The following QARS1 variants were observed in gnomAD, a reference collection of about 807,000 sequenced individuals.
QARS1 encodes glutaminyl-tRNA synthetase 1.
QARS1 carries 79 observed loss-of-function variants against 106.9 expected under a neutral mutation model. The observed-to-expected ratio is 0.74, with a 90% CI of 0.62 to 0.89. The LOEUF is 0.89. Among genes scored for constraint, QARS1 ranks in the 40% least tolerant of loss-of-function variants. The pLI is 0.00. For missense variants in QARS1, 966 were observed against 997.2 expected, an observed-to-expected ratio of 0.97 and a Z score of 0.42; for synonymous variants, 395 against 367.7, an observed-to-expected ratio of 1.07 and a Z score of -0.85.
In QARS1 at chr3:49,099,438, A is replaced by T. The variant is rs2042436951; in HGVS notation, c.1527-7T>A. 3.1e-6 allele frequency: 5 copies of T among 1,614,182 alleles called. No homozygotes were observed. The highest frequency in any genetic ancestry group is 4.2e-6 in the Non-Finnish European group (5 of 1,180,036). On this transcript the variant is annotated splice_region_variant and splice_polypyrimidine_tract_variant and intron_variant, in intron 16 of 23. Transcript: ENST00000306125. ...CCGTGGGTCATCCCAGTCCCTGTGG[A>T]TAAGAAGGTGGTGAGAAGGCCTTTG... is the stretch of plus-strand genomic sequence containing the variant.
chr3:49,101,945 C>T (rs2042477495), intron 7 of QARS1, 46 bp from the exon 8 acceptor site: 2 of 1,562,658 alleles, frequency 1.3e-6, no homozygotes, highest in Non-Finnish European at 1.7e-6. Context: ...GATACATTTA[C>T]CATATCCTAC....
chr3:49,101,440 AC>A lies in QARS1; in HGVS notation c.790del (p.Val264TyrfsTer59). 1 of 1,611,676 alleles carries A rather than the reference AC, an allele frequency of 6.2e-7. No individual in the cohort carries two copies. The highest frequency in any genetic ancestry group is 8.5e-7 in the Non-Finnish European group (1 of 1,177,800). On this transcript the variant is annotated frameshift_variant and splice_region_variant, in exon 10 of 24. Coordinates refer to ENST00000306125, the MANE Select transcript of QARS1 (RefSeq NM_005051.3). LOFTEE classifies it high-confidence loss of function. Reference sequence around the variant, plus strand: ...GGGTTCTGGCGGGAACCGGGTACGTACCTAAAATAAGGGGGATGGGAAAAGA... The same window carrying A: ...GGGTTCTGGCGGGAACCGGGTACGTACTAAAATAAGGGGGATGGGAAAAGA... ...KQHLEITGGQ[V>X]RTRFPPEPNG... is the part of the protein sequence containing the mutation.
intron 4 of QARS1, 67 bp from the exon 5 acceptor site, chr3:49,103,476 G>A: frequency 6.2e-7 from 1 of 1,601,794 alleles, no homozygotes; most frequent in Non-Finnish European, 8.6e-7. Flanking sequence ...TCTTTCCCAA[G>A]GAAAGGTCCT....
Position 49,098,701 on chromosome 3 carries a change from AG to A in QARS1, c.1864-10del, listed in dbSNP as rs1343796534. The A allele has an allele frequency of 2.5e-6, 4 of 1,584,452 alleles. No homozygotes were observed. In the African/African-American group the frequency reaches 4.1e-5, roughly 16 times the overall value. On this transcript the variant is annotated splice_polypyrimidine_tract_variant and intron_variant, in intron 19 of 23. Coordinates refer to ENST00000306125, the MANE Select transcript of QARS1 (RefSeq NM_005051.3). ...AATCCTGGCTCTGGCTCCTAGAGATAGGAAGTGGGGTAGACACATGAGGCTG... is the reference window on the plus strand; with the variant it reads ...AATCCTGGCTCTGGCTCCTAGAGATAGAAGTGGGGTAGACACATGAGGCTG...
In QARS1 at chr3:49,098,974, C is replaced by G. The variant is rs751191501; in HGVS notation, c.1774G>C (p.Val592Leu). 12 of 1,613,936 alleles carry G rather than the reference C, an allele frequency of 7.4e-6. No homozygotes were observed. Among genetic ancestry groups the G allele is most frequent in the Non-Finnish European group, 9.3e-6 (11 of 1,179,866 alleles). The change falls in exon 19 of 24, where the codon GTG (valine) becomes CTG (leucine). Residue 592 changes from valine to leucine, a missense_variant. By Grantham distance (32) the Val-to-Leu change is conservative. Coordinates refer to ENST00000306125, the MANE Select transcript of QARS1 (RefSeq NM_005051.3). ...FPAAKSLDIQ[V>L]PNFPADETKG... is the part of the protein sequence containing the mutation. Reference sequence around the variant, plus strand: ...GTCTCATCAGCTGGGAAGTTGGGCACCTGGATGTCCAAGGACTATAGCAGG... The same window carrying G: ...GTCTCATCAGCTGGGAAGTTGGGCAGCTGGATGTCCAAGGACTATAGCAGG...
Position 49,102,220 on chromosome 3 carries a change from C to G in QARS1, c.616G>C (p.Asp206His). ...LEETDRRTAK[D>H]VVENGETADQ... is the part of the protein sequence containing the mutation. ...AGCTTCTCACCATTCTCCACCACAT[C>G]CTTTGCCGTCCTCCGGTCTGTTTCT... is the stretch of plus-strand genomic sequence containing the variant. Residue 206 changes from aspartate (D) to histidine (H), a missense_variant, in exon 7 of 24, where the codon GAT becomes CAT. Asp to His is a moderately conservative substitution (Grantham distance 81). Coordinates refer to ENST00000306125, the MANE Select transcript of QARS1 (RefSeq NM_005051.3). 1.2e-6 allele frequency: 2 copies of G among 1,614,226 alleles called. No individual in the cohort carries two copies. The highest frequency in any genetic ancestry group is 1.7e-6 in the Non-Finnish European group (2 of 1,180,046).
At chr3:49,098,571 G>T in intron 20 of QARS1, 29 bp downstream of exon 20, 1 of 1,608,186 alleles carries the variant, frequency 6.2e-7, no homozygotes, top group Non-Finnish European at 8.5e-7. Flanking sequence ...AGCAGGCACT[G>T]CAGTAGGAAG....
chr3:49,100,722 C>G (rs2042459523), intron 10 of QARS1, 48 bp from the exon 11 acceptor site: 2 of 1,406,558 alleles, frequency 1.4e-6, no homozygotes, highest in African/African-American at 1.4e-5. Flanking sequence ...CCATCAGCCC[C>G]ACAATCCTGT....
Position 49,104,689 on chromosome 3 carries a change from C to A in QARS1, c.45G>T (p.Leu15=), listed in dbSNP as rs756522994. The change falls in exon 1 of 24, where the codon CTG becomes CTT. Residue 15 remains leucine, a synonymous_variant. Transcript: ENST00000306125. The part of the protein sequence containing the change: ...DSLSLFTSLG[L]SEQKARETLK... ...GCGTCTCGCGGGCCTTCTGCTCGCT[C>A]AGGCCGAGGCTAGTGAAGAGCGACA... 1 of 1,611,572 alleles carries A rather than the reference C, an allele frequency of 6.2e-7. No homozygotes were observed. The highest frequency in any genetic ancestry group is 1.7e-5 in the Admixed American group (1 of 60,012).
rs1377989595 is a variant in QARS1 at position 49,097,523 on chromosome 3, G to A, written c.2277+469C>T. ...ATTAAAAAAAAAAAAGAGGTCGGGT[G>A]CAGTGGCTCATGACTGTGATCCCAG... On this transcript the variant is annotated intron_variant, in intron 23 of 23. Coordinates refer to ENST00000306125, the MANE Select transcript of QARS1 (RefSeq NM_005051.3). Among the ~76,000 whole-genome samples the A allele has an allele frequency of 4.0e-5, 6 of 151,354 alleles. No individual in the cohort carries two copies. The East Asian group carries it at 1.2e-3, about 30-fold the overall frequency.
chr3:49,096,969 G>A (rs1490435483), intron 23 of QARS1: 1 of 150,474 alleles, frequency 6.6e-6, no homozygotes, highest in East Asian at 2.0e-4. Flanking sequence ...TGGGCAACAG[G>A]GCGAGATACT....
At chr3:49,100,778 C>G in intron 10 of QARS1, 104 bp from the exon 11 acceptor site, 1 of 1,039,434 alleles carries the variant, frequency 9.6e-7, no homozygotes, top group Non-Finnish European at 1.5e-6. Context: ...TCAGAATTTT[C>G]TTTTTTTTTG....
chr3:49,100,328 T>C (rs929754200), intron 12 of QARS1, 30 bp from the exon 13 acceptor site: 8 of 1,614,178 alleles, frequency 5.0e-6, no homozygotes, highest in South Asian at 2.2e-5. Context: ...GTGCCCAGCA[T>C]GGCTGTGACC....
rs1028746179 is a variant in QARS1 at position 49,103,916 on chromosome 3, C to A, written c.322G>T (p.Glu108Ter). 2 of 1,614,028 alleles carry A rather than the reference C, an allele frequency of 1.2e-6. No homozygotes were observed. Among genetic ancestry groups the A allele is most frequent in the African/African-American group, 1.3e-5 (1 of 75,022 alleles). The change falls in exon 3 of 24, where the codon GAG (glutamate) becomes TAG (stop). Residue 108 changes from glutamate (E) to a stop codon, truncating the protein, a stop_gained. Transcript: ENST00000306125. LOFTEE classifies it high-confidence loss of function. ...ATGACACCCACGCCACATTCCCGCT[C>A]GAAGTCCACAGTGTCGATGGGGTCC... The part of the protein sequence containing the change: ...PLDPIDTVDF[E>*]RECGVGVIVT...
chr3:49,099,684 T>C (rs1335135533), intron 15 of QARS1, 37 bp from the exon 16 acceptor site: 4 of 1,612,410 alleles, frequency 2.5e-6, no homozygotes, highest in Non-Finnish European at 3.4e-6. Flanking sequence ...TGGCCAGCTC[T>C]GGAACCAGGC....
chr3:49,099,006 G>C lies in QARS1; in HGVS notation c.1759-17C>G. The C allele has an allele frequency of 6.2e-7, 1 of 1,613,034 alleles. No individual in the cohort carries two copies. The highest frequency in any genetic ancestry group is 8.5e-7 in the Non-Finnish European group (1 of 1,179,006). ...GTCCAAGGACTATAGCAGGAGACAGGAGACAGGTATGAGTCATACTCAGCA... is the reference window on the plus strand; with the variant it reads ...GTCCAAGGACTATAGCAGGAGACAGCAGACAGGTATGAGTCATACTCAGCA... On this transcript the variant is annotated splice_polypyrimidine_tract_variant and intron_variant, in intron 18 of 23. Coordinates refer to ENST00000306125, the MANE Select transcript of QARS1 (RefSeq NM_005051.3).
Position 49,100,305 on chromosome 3 carries a change from G to T in QARS1, c.1056-7C>A, listed in dbSNP as rs1457850174. On this transcript the variant is annotated splice_region_variant and splice_polypyrimidine_tract_variant and intron_variant, in intron 12 of 23. Transcript: ENST00000306125. ...GCACACATAAGCCAGACCCCTGTGGGGAAGCGGTGTGAGTGCCCAGCATGG... is the reference window on the plus strand; with the variant it reads ...GCACACATAAGCCAGACCCCTGTGGTGAAGCGGTGTGAGTGCCCAGCATGG... 1.2e-6 allele frequency: 2 copies of T among 1,614,132 alleles called. No homozygotes were observed. Among genetic ancestry groups the T allele is most frequent in the Non-Finnish European group, 1.7e-6 (2 of 1,180,032 alleles).
chr3:49,099,986 G>A lies in QARS1; in HGVS notation c.1270C>T (p.Pro424Ser), dbSNP rs918533004. ...DPVAYRVKYT[P>S]HHRTGDKWCI... Reference sequence around the variant, plus strand: ...CATTTGTCCCCTGTGCGGTGGTGTGGTGTATACTTGACTCGATAGGCTACA... The same window carrying A: ...CATTTGTCCCCTGTGCGGTGGTGTGATGTATACTTGACTCGATAGGCTACA... The change falls in exon 14 of 24, where the codon CCA (proline) becomes TCA (serine). Residue 424 changes from proline (P) to serine (S), a missense_variant. By Grantham distance (74) the Pro-to-Ser change is moderately conservative. Transcript: ENST00000306125. The A allele has an allele frequency of 4.3e-6, 7 of 1,614,030 alleles. No individual in the cohort carries two copies. In the African/African-American group the frequency reaches 8.0e-5, roughly 18 times the overall value.
In QARS1 at chr3:49,104,644, G is replaced by A; in HGVS notation, c.90C>T (p.Ser30=). The A allele has an allele frequency of 6.2e-7, 1 of 1,607,230 alleles. No individual in the cohort carries two copies. Among genetic ancestry groups the A allele is most frequent in the South Asian group, 1.1e-5 (1 of 91,000 alleles). ...GAGTAGCGGCCTCGCGCAGCTGCGC[G>A]CTCAGAGCCGAGTTCTTGAGCGTCT... The part of the protein sequence containing the change: ...ARETLKNSAL[S]AQLREAATQA... The change falls in exon 1 of 24, where the codon AGC becomes AGT. Residue 30 remains serine (S), a synonymous_variant. Coordinates refer to ENST00000306125, the MANE Select transcript of QARS1 (RefSeq NM_005051.3).
Sources: allele counts gnomAD v4.1 joint callset (sites outside exome capture counted in the v4.1 genomes callset), GRCh38; gene constraint gnomAD v4.1.1; transcripts MANE v1.5; gene names NCBI Gene and HGNC (gene_info 2026-07-23, HGNC 2026-07-21).